PDE4B: variants seen among roughly 807,000 people sequenced by gnomAD.
PDE4B encodes phosphodiesterase 4B.
A neutral mutation model predicts 82.2 loss-of-function variants in PDE4B; 20 were observed. The ratio of observed to expected loss-of-function variants is 0.24; its 90% CI spans 0.17 to 0.35. The LOEUF (loss-of-function observed/expected upper bound fraction) is 0.35, where lower values mean the gene tolerates loss of function less well. Ranked by LOEUF, PDE4B falls within the 10% of genes least tolerant of loss-of-function variation. The probability of loss-of-function intolerance (pLI) is 1.00; values close to 1 mark genes in which losing one functional copy is unlikely to be tolerated. For missense variants in PDE4B, 655 were observed against 907.2 expected, an observed-to-expected ratio of 0.72 and a Z score of 3.57; for synonymous variants, 320 against 318.9, an observed-to-expected ratio of 1.00 and a Z score of -0.04.
intron 7 of PDE4B, among the ~76,000 whole-genome samples, chr1:66,308,992 C>T (rs1486463513): frequency 6.6e-6 from 1 of 152,184 alleles, no homozygotes; most frequent in Non-Finnish European, 1.5e-5. Context: ...TTTACACATA[C>T]ATTGTCGATT....
At chr1:66,236,688 A>G in intron 3 of PDE4B, among the ~76,000 whole-genome samples, 1 of 152,178 alleles carries the variant, frequency 6.6e-6, no homozygotes, top group Middle Eastern at 3.2e-3. Flanking sequence ...GAGAGAGTAA[A>G]TGTATGCAGA....
At chr1:66,348,520 T>G (rs1383122604) in intron 8 of PDE4B, among the ~76,000 whole-genome samples, 1 of 152,078 alleles carries the variant, frequency 6.6e-6, no homozygotes, top group African/African-American at 2.4e-5. Context: ...AGAAAAGTCC[T>G]CTGTCAAAAA....
chr1:66,221,781 T>C (rs192192837), intron 3 of PDE4B, among the ~76,000 whole-genome samples: 154 of 152,304 alleles, frequency 1.0e-3, no homozygotes, highest in African/African-American at 3.5e-3. Flanking sequence ...CCACCCTCTG[T>C]CATCACTCCT....
At chr1:65,957,679 A>C (rs1302521505) in intron 3 of PDE4B, among the ~76,000 whole-genome samples, 6 of 151,958 alleles carry the variant, frequency 3.9e-5, no homozygotes, top group African/African-American at 1.2e-4. Flanking sequence ...AACATTCTGT[A>C]TTTCTTGATT....
At chr1:66,198,676 T>C (rs1648557318) in intron 3 of PDE4B, among the ~76,000 whole-genome samples, 1 of 152,200 alleles carries the variant, frequency 6.6e-6, no homozygotes, top group African/African-American at 2.4e-5. Context: ...TTGTTACATA[T>C]GTATACATGT....
At chr1:66,206,078 T>C (rs1420498278) in intron 3 of PDE4B, among the ~76,000 whole-genome samples, 2 of 152,190 alleles carry the variant, frequency 1.3e-5, no homozygotes, top group Non-Finnish European at 2.9e-5. Flanking sequence ...GCGATGGAAG[T>C]GTGGCTTCCA....
chr1:66,132,732 C>T (rs1645975772), intron 3 of PDE4B, among the ~76,000 whole-genome samples: 1 of 152,170 alleles, frequency 6.6e-6, no homozygotes, highest in Non-Finnish European at 1.5e-5. Context: ...CTCAGACCTA[C>T]TGTTTTTGTT....
intron 7 of PDE4B, among the ~76,000 whole-genome samples, chr1:66,270,325 T>C (rs951880058): frequency 1.3e-5 from 2 of 152,228 alleles, no homozygotes; most frequent in African/African-American, 4.8e-5. Flanking sequence ...GCTTTCTCCT[T>C]GGAAACCTAT....
At chr1:65,947,303 C>T (rs537679541) in intron 3 of PDE4B, among the ~76,000 whole-genome samples, 10 of 152,104 alleles carry the variant, frequency 6.6e-5, no homozygotes, top group African/African-American at 2.2e-4. Flanking sequence ...AGTTCAGTGG[C>T]GACATACTTT....
At chr1:66,011,652 TA>T (rs1257651540) in intron 3 of PDE4B, among the ~76,000 whole-genome samples, 2 of 152,214 alleles carry the variant, frequency 1.3e-5, no homozygotes, top group Admixed American at 6.6e-5. Context: ...GTACATGTTT[TA>T]AAAAAATGAG....
At chr1:66,057,509 G>A (rs942705906) in intron 3 of PDE4B, among the ~76,000 whole-genome samples, 3 of 152,112 alleles carry the variant, frequency 2.0e-5, no homozygotes, top group African/African-American at 7.2e-5. Flanking sequence ...TCATGCTGCT[G>A]ATAAAGACAT....
rs1241867520 is a variant in PDE4B, at chr1:65,884,535, G to A, written c.-70-28710G>A. Among the ~76,000 whole-genome samples, 4 of 152,208 alleles carry A rather than the reference G, an allele frequency of 2.6e-5. No homozygotes were observed. The East Asian group carries it at 7.7e-4, about 29-fold the overall frequency. On this transcript the variant is annotated intron_variant, in intron 1 of 16. Coordinates refer to ENST00000341517, the MANE Select transcript of PDE4B (RefSeq NM_002600.4). ...ACATATAGACCAATGGAACAGAACA[G>A]AGCCCTCAGAAATAATACCACACAT...
At chr1:66,185,068 C>A (rs1647156032) in intron 3 of PDE4B, among the ~76,000 whole-genome samples, 1 of 152,036 alleles carries the variant, frequency 6.6e-6, no homozygotes, top group African/African-American at 2.4e-5. Context: ...CAATTCCCAC[C>A]TATAAGTGAG....
At chr1:66,229,352 A>T (rs1651759951) in intron 3 of PDE4B, among the ~76,000 whole-genome samples, 1 of 152,164 alleles carries the variant, frequency 6.6e-6, no homozygotes, top group Non-Finnish European at 1.5e-5. Flanking sequence ...GAACTATGCC[A>T]CTTGGACACT....
intron 3 of PDE4B, among the ~76,000 whole-genome samples, chr1:66,036,469 C>T (rs1308386051): frequency 6.6e-6 from 1 of 152,124 alleles, no homozygotes; most frequent in Non-Finnish European, 1.5e-5. Context: ...TGTTTAAGTC[C>T]TTAATCCATT....
intron 7 of PDE4B, among the ~76,000 whole-genome samples, chr1:66,315,027 T>C (rs1658932831): frequency 6.6e-6 from 1 of 152,204 alleles, no homozygotes; most frequent in Non-Finnish European, 1.5e-5. Context: ...TGTCTTTCAC[T>C]CTCGTACTTA....
intron 3 of PDE4B, among the ~76,000 whole-genome samples, chr1:66,196,171 A>T (rs1411743998): frequency 6.6e-6 from 1 of 152,216 alleles, no homozygotes; most frequent in African/African-American, 2.4e-5. Context: ...GTAAAAATTG[A>T]CTAGCCTGCC....
intron 1 of PDE4B, among the ~76,000 whole-genome samples, chr1:65,895,847 CT>C (rs1646903460): frequency 2.1e-5 from 3 of 143,164 alleles, no homozygotes; most frequent in Non-Finnish European, 3.1e-5. Context: ...TTCAGTATTA[CT>C]TAACACAGTA....
rs555398230 is a variant in PDE4B at position 66,283,634 on chromosome 1, T to C, written c.634+17547T>C. Among the ~76,000 whole-genome samples the C allele has an allele frequency of 5.9e-5, 9 of 152,236 alleles. No individual in the cohort carries two copies. The East Asian group carries it at 1.7e-3, about 29-fold the overall frequency. On this transcript the variant is annotated intron_variant, in intron 7 of 16. Coordinates refer to ENST00000341517, the MANE Select transcript of PDE4B (RefSeq NM_002600.4). ...GGAATTTTTTTTCTCTTTCAATATT[T>C]CTCTTCTTTCTTTTTCTGTGGCCCT...
Sources: allele counts gnomAD v4.1 joint callset (sites outside exome capture counted in the v4.1 genomes callset), GRCh38; gene constraint gnomAD v4.1.1; transcripts MANE v1.5; gene names NCBI Gene and HGNC (gene_info 2026-07-23, HGNC 2026-07-21).